ACAP2: variants seen among roughly 807,000 people sequenced by gnomAD.
The protein encoded by ACAP2 is ArfGAP with coiled-coil, ankyrin repeat and PH domains 2.
ACAP2 carries 39 observed loss-of-function variants against 115.8 expected under a neutral mutation model. The ratio of observed to expected loss-of-function variants is 0.34; its 90% CI spans 0.26 to 0.44. The LOEUF (loss-of-function observed/expected upper bound fraction) is 0.44. Among genes scored for constraint, ACAP2 ranks in the 20% least tolerant of loss-of-function variants. ACAP2 has a pLI of 1.00. For synonymous variants in ACAP2, 289 were observed against 315.8 expected, an observed-to-expected ratio of 0.92 and a Z score of 0.90; for missense variants, 662 against 927.6, an observed-to-expected ratio of 0.71 and a Z score of 3.72.
intron 10 of ACAP2, among the ~76,000 whole-genome samples, chr3:195,309,245 A>G (rs1026858680): frequency 1.3e-5 from 2 of 152,150 alleles, no homozygotes; most frequent in African/African-American, 2.4e-5. Context: ...ATCGTGAATA[A>G]AAGTATCCAC....
intron 5 of ACAP2, among the ~76,000 whole-genome samples, chr3:195,342,882 G>A (rs1455034340): frequency 6.6e-6 from 1 of 151,788 alleles, no homozygotes; most frequent in African/African-American, 2.4e-5. Context: ...TGTAGTCCCA[G>A]TTACTCAGGA....
chr3:195,299,688 A>C (rs978796799), intron 15 of ACAP2, among the ~76,000 whole-genome samples: 3 of 152,182 alleles, frequency 2.0e-5, no homozygotes, highest in African/African-American at 7.2e-5. Flanking sequence ...AATACAAAAA[A>C]TTAGCTGGGT....
chr3:195,415,905 G>A (rs1463974119), intron 1 of ACAP2, among the ~76,000 whole-genome samples: 2 of 152,076 alleles, frequency 1.3e-5, no homozygotes, highest in Non-Finnish European at 2.9e-5. Flanking sequence ...AGATTGGGAG[G>A]TGTGATTTTT....
intron 1 of ACAP2, among the ~76,000 whole-genome samples, chr3:195,428,051 G>A (rs1426320946): frequency 6.6e-6 from 1 of 151,474 alleles, no homozygotes; most frequent in Non-Finnish European, 1.5e-5. Context: ...ACATAAAATT[G>A]TTACCAAATT....
chr3:195,370,785 T>C (rs542090582), intron 4 of ACAP2, among the ~76,000 whole-genome samples: 26 of 152,154 alleles, frequency 1.7e-4, no homozygotes, highest in African/African-American at 5.8e-4. Context: ...CCCTGTCTTA[T>C]ACTAAAAATA....
Position 195,279,194 on chromosome 3 carries a change from A to G in ACAP2, c.*134T>C, listed in dbSNP as rs1726326145. 1.7e-6 allele frequency: 1 copy of G among 578,550 alleles called. No individual in the cohort carries two copies. Among genetic ancestry groups the G allele is most frequent in the South Asian group, 2.5e-5 (1 of 40,774 alleles). 35.8% of individuals were successfully genotyped at this position (578,550 alleles called of 1,614,324 possible). A position where few individuals can be genotyped will look rare whatever the true frequency, so the allele number is the denominator to read the frequency against. ...TATGTTTTAATTTATAAATATATGA[A>G]TGGGTACCTCTTTTCCAAGCCATTC... On this transcript the variant is annotated 3_prime_UTR_variant, in exon 23 of 23. Coordinates refer to ENST00000326793, the MANE Select transcript of ACAP2 (RefSeq NM_012287.6).
At chr3:195,323,525 T>C (rs1729582600) in intron 9 of ACAP2, among the ~76,000 whole-genome samples, 1 of 151,848 alleles carries the variant, frequency 6.6e-6, no homozygotes, top group South Asian at 2.1e-4. Context: ...TAAAGAAAAC[T>C]TAAATGGAGA....
rs1726161904 is a variant in ACAP2 at position 195,275,620 on chromosome 3, C to T, written c.*3708G>A. ...CATGATACAAATAAAGTGCCTCTGA[C>T]TGGTGGTCAGTCAGACCTGGGTAAT... On this transcript the variant is annotated 3_prime_UTR_variant, in exon 23 of 23. Transcript: ENST00000326793. 1 of 152,170 alleles carries T rather than the reference C, an allele frequency of 6.6e-6. No individual in the cohort carries two copies. Among genetic ancestry groups the T allele is most frequent in the Non-Finnish European group, 1.5e-5 (1 of 68,024 alleles). 9.4% of individuals were successfully genotyped at this position (152,170 alleles called of 1,614,324 possible).
rs773617740 is a variant in ACAP2 at position 195,307,249 on chromosome 3, G to A, written c.984C>T (p.Phe328=). 6 of 1,613,334 alleles carry A rather than the reference G, an allele frequency of 3.7e-6. No individual in the cohort carries two copies. The East Asian group carries it at 1.3e-4, about 36-fold the overall frequency. Residue 328 remains phenylalanine, a synonymous_variant, in exon 12 of 23, where the codon TTC becomes TTT. Transcript: ENST00000326793. ...VKHCEDIERR[F]CFEVVSPTKS... is the part of the protein sequence containing the mutation. ...TTGTTGGCGAGACCACCTCAAAGCA[G>A]AATCGTCGCTCTATGTCTTCACAAT...
intron 7 of ACAP2, 54 bp from the exon 8 acceptor site, chr3:195,333,177 T>G (rs1431138410): frequency 1.1e-6 from 1 of 904,454 alleles, no homozygotes. Flanking sequence ...ATAGACATTC[T>G]GAAATATTAC....
chr3:195,434,939 G>GCCCAGCT, intron 1 of ACAP2, among the ~76,000 whole-genome samples: 1 of 151,866 alleles, frequency 6.6e-6, no homozygotes, highest in African/African-American at 2.4e-5. Context: ...TTTCACTCTT[G>GCCCAGCT]AATGAAGTAA....
At chr3:195,374,982 A>C (rs1733425749) in intron 4 of ACAP2, among the ~76,000 whole-genome samples, 1 of 152,136 alleles carries the variant, frequency 6.6e-6, no homozygotes, top group Non-Finnish European at 1.5e-5. Context: ...ACCTGAGGTC[A>C]GGAGTTAGAG....
intron 4 of ACAP2, among the ~76,000 whole-genome samples, chr3:195,358,639 A>C (rs753502480): frequency 5.3e-4 from 81 of 152,116 alleles, no homozygotes; most frequent in Non-Finnish European, 1.1e-3. Flanking sequence ...CAGAAGAAAG[A>C]ATTCCTGAGA....
At chr3:195,339,181 G>A (rs1287515510) in intron 6 of ACAP2, among the ~76,000 whole-genome samples, 1 of 151,874 alleles carries the variant, frequency 6.6e-6, no homozygotes, top group African/African-American at 2.4e-5. Context: ...CAGTGAGCTG[G>A]GATCGCACCA....
At chr3:195,376,516 C>G (rs1733553396) in intron 4 of ACAP2, among the ~76,000 whole-genome samples, 1 of 152,110 alleles carries the variant, frequency 6.6e-6, no homozygotes, top group African/African-American at 2.4e-5. Flanking sequence ...GCACTCCAGC[C>G]TGGGAGAGAA....
intron 1 of ACAP2, among the ~76,000 whole-genome samples, chr3:195,401,915 A>G (rs557719452): frequency 6.6e-6 from 1 of 152,254 alleles, no homozygotes; most frequent in African/African-American, 2.4e-5. Context: ...CAAATTTAAG[A>G]GCCTAATAAA....
Position 195,278,262 on chromosome 3 carries a change from T to G in ACAP2, c.*1066A>C, listed in dbSNP as rs1406141778. 6.6e-6 allele frequency: 1 copy of G among 152,126 alleles called. No individual in the cohort carries two copies. Among genetic ancestry groups the G allele is most frequent in the Non-Finnish European group, 1.5e-5 (1 of 68,024 alleles). The allele number at this position is 152,126 out of a possible 1,614,324, so 9.4% of individuals were successfully genotyped here. On this transcript the variant is annotated 3_prime_UTR_variant, in exon 23 of 23. Coordinates refer to ENST00000326793, the MANE Select transcript of ACAP2 (RefSeq NM_012287.6). ...ATATACACGATATAATTTAAAAGAATGTACACTGTGTACAAGTACACAAAA... is the reference window on the plus strand; with the variant it reads ...ATATACACGATATAATTTAAAAGAAGGTACACTGTGTACAAGTACACAAAA...
chr3:195,275,724 G>A lies in ACAP2; in HGVS notation c.*3604C>T, dbSNP rs991836708. On this transcript the variant is annotated 3_prime_UTR_variant, in exon 23 of 23. Transcript: ENST00000326793. ...AAAGGAGCACCCTAGGATCAAAAAAGTAGACAACTTTGGAGCTTAGATTAA... is the reference window on the plus strand; with the variant it reads ...AAAGGAGCACCCTAGGATCAAAAAAATAGACAACTTTGGAGCTTAGATTAA... 6.6e-6 allele frequency: 1 copy of A among 152,194 alleles called. No individual in the cohort carries two copies. Among genetic ancestry groups the A allele is most frequent in the Non-Finnish European group, 1.5e-5 (1 of 68,034 alleles). The allele number at this position is 152,194 out of a possible 1,614,324, so 9.4% of individuals were successfully genotyped here.
chr3:195,414,023 A>G (rs1452973256), intron 1 of ACAP2, among the ~76,000 whole-genome samples: 1 of 152,124 alleles, frequency 6.6e-6, no homozygotes, highest in African/African-American at 2.4e-5. Flanking sequence ...GAAAGAAAAG[A>G]GGAGGAGAAA....
Sources: gnomAD v4.1 joint callset for allele counts (sites outside exome capture counted in the v4.1 genomes callset) on GRCh38, gnomAD v4.1.1 for gene constraint, MANE v1.5 for transcripts, NCBI Gene and HGNC (gene_info 2026-07-23, HGNC 2026-07-21) for gene names.